Variants in AK3 observed in about 807,000 individuals in gnomAD.
AK3 encodes the protein adenylate kinase 3.
AK3 carries 27 observed loss-of-function variants against 23.7 expected under a neutral mutation model. The observed-to-expected ratio is 1.14, with a 90% confidence interval of 0.84 to 1.57. The LOEUF is 1.57. AK3 is among the 40% of genes most tolerant of loss of function. The probability of loss-of-function intolerance (pLI) is 0.00; values close to 1 mark genes in which losing one functional copy is unlikely to be tolerated. For missense variants in AK3, 406 were observed against 285.6 expected, an observed-to-expected ratio of 1.42 and a Z score of -3.04; for synonymous variants, 159 against 116.0, an observed-to-expected ratio of 1.37 and a Z score of -2.38.
At chr9:4,715,654 C>T (rs1563782570) in intron 4 of AK3, among the ~76,000 whole-genome samples, 2 of 152,134 alleles carry the variant, frequency 1.3e-5, no homozygotes, top group Admixed American at 1.3e-4. Flanking sequence ...GCCTTAGCCT[C>T]CCAAAGTGCT....
At chr9:4,725,736 A>T (rs572288124) in intron 1 of AK3, among the ~76,000 whole-genome samples, 8 of 152,336 alleles carry the variant, frequency 5.3e-5, no homozygotes, top group South Asian at 2.1e-4. Flanking sequence ...ACTCAATTTT[A>T]AAAAAATGTT....
intron 4 of AK3, among the ~76,000 whole-genome samples, chr9:4,716,480 A>C (rs1382716191): frequency 6.6e-6 from 1 of 152,220 alleles, no homozygotes; most frequent in Non-Finnish European, 1.5e-5. Flanking sequence ...TTTTACAAAT[A>C]AGGGATTTGT....
At chr9:4,734,289 G>C (rs1475221867) in intron 1 of AK3, among the ~76,000 whole-genome samples, 3 of 135,028 alleles carry the variant, frequency 2.2e-5, no homozygotes, top group East Asian at 2.3e-4. Flanking sequence ...CCTTGGTCTT[G>C]TACTTCTAGC....
chr9:4,721,645 G>C (rs914509476), intron 2 of AK3, among the ~76,000 whole-genome samples: 2 of 152,056 alleles, frequency 1.3e-5, no homozygotes, highest in Admixed American at 6.5e-5. Flanking sequence ...TTTTAGTAGA[G>C]ATGGAGTTTC....
rs1841498885 is a variant in AK3 at position 4,709,686 on chromosome 9, C to T, written c.*3290G>A. 1 of 152,142 alleles carries T rather than the reference C, an allele frequency of 6.6e-6. No homozygotes were observed. Among genetic ancestry groups the T allele is most frequent in the Admixed American group, 6.5e-5 (1 of 15,268 alleles). 9.4% of individuals were successfully genotyped at this position (152,142 alleles called of 1,614,324 possible). On this transcript the variant is annotated 3_prime_UTR_variant, in exon 5 of 5. Transcript: ENST00000381809. ...CTCTACAAAGCATACTGGCTTTTACCAGAAGCTTTAAGCACAGCTACACTA... is the reference window on the plus strand; with the variant it reads ...CTCTACAAAGCATACTGGCTTTTACTAGAAGCTTTAAGCACAGCTACACTA...
intron 1 of AK3, among the ~76,000 whole-genome samples, chr9:4,725,020 T>A (rs1841990124): frequency 3.4e-5 from 2 of 59,326 alleles, no homozygotes; most frequent in Non-Finnish European, 1.0e-4. Flanking sequence ...GCTACTAAAC[T>A]CTTTTTTTTT....
chr9:4,718,864 T>C (rs996995315), intron 3 of AK3, among the ~76,000 whole-genome samples: 14 of 152,238 alleles, frequency 9.2e-5, no homozygotes, highest in African/African-American at 3.4e-4. Flanking sequence ...CAAGGTGTTA[T>C]GAATCTCTAT....
At chr9:4,718,964 C>G (rs17761666) in intron 3 of AK3, among the ~76,000 whole-genome samples, 171 bp downstream of exon 3, 37,090 of 152,020 alleles carry the variant, frequency 0.24, 4,606 homozygotes, top group African/African-American at 0.29. Flanking sequence ...CCTGGGGCAA[C>G]CTTTCGCACC....
intron 2 of AK3, among the ~76,000 whole-genome samples, chr9:4,722,125 A>G (rs188240839): frequency 9.8e-5 from 15 of 152,338 alleles, no homozygotes; most frequent in African/African-American, 3.4e-4. Flanking sequence ...TGTCCTCTCT[A>G]TATTAACAAA....
chr9:4,719,418 C>G (rs1393108683), intron 2 of AK3, 111 bp from the exon 3 acceptor site: 1 of 1,007,102 alleles, frequency 9.9e-7, no homozygotes, highest in African/African-American at 1.6e-5. Flanking sequence ...GTTGGACAAT[C>G]TGAACAAAAG....
intron 1 of AK3, among the ~76,000 whole-genome samples, chr9:4,728,339 G>C (rs1054496547): frequency 1.3e-5 from 2 of 152,196 alleles, no homozygotes; most frequent in South Asian, 4.1e-4. Context: ...GGGAGGCCGA[G>C]GCAGGCGCAT....
At chr9:4,713,652 A>T (rs1352154084) in intron 4 of AK3, among the ~76,000 whole-genome samples, 2 of 152,102 alleles carry the variant, frequency 1.3e-5, no homozygotes, top group South Asian at 4.1e-4. Context: ...ATATTAACAG[A>T]AAGGGGAATA....
At chr9:4,719,458 A>C (rs1385929661) in intron 2 of AK3, 151 bp from the exon 3 acceptor site, 1 of 719,694 alleles carries the variant, frequency 1.4e-6, no homozygotes, top group Non-Finnish European at 2.2e-6. Context: ...GGCCGATCAC[A>C]GCTGCGGTGC....
chr9:4,724,619 A>G (rs890831046), intron 1 of AK3, among the ~76,000 whole-genome samples: 1 of 152,174 alleles, frequency 6.6e-6, no homozygotes, highest in Non-Finnish European at 1.5e-5. Flanking sequence ...TCTCTACAAA[A>G]GATTAAAAAA....
chr9:4,719,876 G>C (rs1358928612), intron 2 of AK3, among the ~76,000 whole-genome samples: 1 of 152,108 alleles, frequency 6.6e-6, no homozygotes, highest in African/African-American at 2.4e-5. Flanking sequence ...GACCAGCCTA[G>C]CCAACATGGT....
intron 1 of AK3, 98 bp from the exon 2 acceptor site, chr9:4,722,723 T>C: frequency 6.6e-7 from 1 of 1,518,574 alleles, no homozygotes; most frequent in Non-Finnish European, 9.0e-7. Flanking sequence ...CTGAATGGCA[T>C]ACTCATCTGA....
At chr9:4,738,556 A>ATTTGT (rs530366230) in intron 1 of AK3, among the ~76,000 whole-genome samples, 460 of 152,180 alleles carry the variant, frequency 3.0e-3, no homozygotes, top group African/African-American at 0.011. Flanking sequence ...GAATATGACA[A>ATTTGT]TTTTAGAATA....
intron 1 of AK3, among the ~76,000 whole-genome samples, chr9:4,737,048 C>T (rs1277086197): frequency 2.0e-5 from 3 of 148,934 alleles, no homozygotes; most frequent in Non-Finnish European, 3.0e-5. Flanking sequence ...ACTTCAACCT[C>T]ACGATTTCTA....
At chr9:4,717,559 C>T (rs961715651) in intron 4 of AK3, among the ~76,000 whole-genome samples, 2 of 152,196 alleles carry the variant, frequency 1.3e-5, no homozygotes, top group African/African-American at 2.4e-5. Context: ...GCCTCCCCTA[C>T]CGACAATCCC....
Sources: gnomAD v4.1 joint callset for allele counts (sites outside exome capture counted in the v4.1 genomes callset) on GRCh38, gnomAD v4.1.1 for gene constraint, MANE v1.5 for transcripts, NCBI Gene and HGNC (gene_info 2026-07-23, HGNC 2026-07-21) for gene names.